CEACAM21: variants seen among roughly 807,000 people sequenced by gnomAD.
CEACAM21 encodes the protein CEA cell adhesion molecule 21, also known as cell adhesion molecule CEACAM21.
CEACAM21 carries 38 observed loss-of-function variants against 33.2 expected under a neutral mutation model. That is an observed-to-expected ratio of 1.14 (90% CI 0.88 to 1.50). The LOEUF is 1.50. CEACAM21 is among the 40% of genes most tolerant of loss of function. The pLI, the probability that CEACAM21 is intolerant of heterozygous loss-of-function variation, is 0.00. For missense variants in CEACAM21, 385 were observed against 364.6 expected (o/e 1.06, Z -0.46); for synonymous variants, 156 against 143.0 (o/e 1.09, Z -0.65).
In CEACAM21 at chr19:41,577,210, A is replaced by G. The variant is rs1555791387; in HGVS notation, c.75A>G (p.Leu25=). ...CTCTCCCTTTCCTAGCCTCACTTTT[A>G]ACTTTCTGGAACGCACCCACCACTG... ...WQGLLLTASL[L]TFWNAPTTAW... Residue 25 remains leucine (L), a synonymous_variant, in exon 2 of 7, where the codon TTA becomes TTG. Transcript: ENST00000401445. 2 of 1,613,958 alleles carry G rather than the reference A, an allele frequency of 1.2e-6. No homozygotes were observed. The highest frequency in any genetic ancestry group is 2.2e-5 in the East Asian group (1 of 44,880).
At chr19:41,577,596 C>T in intron 2 of CEACAM21, 37 bp downstream of exon 2, 1 of 1,608,270 alleles carries the variant, frequency 6.2e-7, no homozygotes, top group East Asian at 2.2e-5. Flanking sequence ...TGTTGGGGGT[C>T]AGTTCTGCTT....
chr19:41,586,591 A>G lies in CEACAM21; in HGVS notation c.*128A>G. On this transcript the variant is annotated 3_prime_UTR_variant, in exon 7 of 7. Coordinates refer to ENST00000401445, the MANE Select transcript of CEACAM21 (RefSeq NM_001098506.4). ...GTCCCTGAAGCCCCCAGCCCTGGGG[A>G]TGGGGAAGGACATGGAGCCTGAGCC... is the stretch of plus-strand genomic sequence containing the variant. 1.7e-6 allele frequency: 1 copy of G among 593,836 alleles called. No homozygotes were observed. Among genetic ancestry groups the G allele is most frequent in the Non-Finnish European group, 3.3e-6 (1 of 303,686 alleles). 36.8% of individuals were successfully genotyped at this position (593,836 alleles called of 1,614,324 possible). A position where few individuals can be genotyped will look rare whatever the true frequency, so the allele number is the denominator to read the frequency against.
At chr19:41,571,860 A>G (rs2042633980), upstream of CEACAM21, among the ~76,000 whole-genome samples, 2 of 152,020 alleles carry the variant, frequency 1.3e-5, no homozygotes, top group Non-Finnish European at 1.5e-5. Context: ...CATCCTCACC[A>G]GTCACCTCTC....
intron 1 of CEACAM21, among the ~76,000 whole-genome samples, chr19:41,559,499 C>T (rs1236607377): frequency 6.6e-6 from 1 of 151,776 alleles, no homozygotes; most frequent in African/African-American, 2.4e-5. Flanking sequence ...AGCTACTTAC[C>T]CATTTTTATA....
Position 41,577,340 on chromosome 19 carries a change from A to G in CEACAM21, c.205A>G (p.Lys69Glu), listed in dbSNP as rs781911443. 24 of 1,614,092 alleles carry G rather than the reference A, an allele frequency of 1.5e-5. No individual in the cohort carries two copies. Among genetic ancestry groups the G allele is most frequent in the Admixed American group, 3.3e-5 (2 of 60,026 alleles). ...PENLYSYGWY[K>E]GKTVEPNQLI... ...GAATCTTTACAGCTATGGCTGGTACAAAGGGAAAACGGTGGAGCCCAACCA... is the reference window on the plus strand; with the variant it reads ...GAATCTTTACAGCTATGGCTGGTACGAAGGGAAAACGGTGGAGCCCAACCA... The change falls in exon 2 of 7, where the codon AAA becomes GAA. Residue 69 changes from lysine to glutamate, a missense_variant. By Grantham distance (56) the Lys-to-Glu change is moderately conservative (BLOSUM62 1). Transcript: ENST00000401445.
chr19:41,583,333 A>G (rs142058046), intron 3 of CEACAM21, among the ~76,000 whole-genome samples: 8 of 152,266 alleles, frequency 5.3e-5, no homozygotes, highest in African/African-American at 1.4e-4. Flanking sequence ...CCATTCAACA[A>G]GTCTCTAGGA....
chr19:41,565,266 G>A (rs1249789315), intron 2 of CEACAM21, among the ~76,000 whole-genome samples: 1 of 152,146 alleles, frequency 6.6e-6, no homozygotes, highest in Non-Finnish European at 1.5e-5. Flanking sequence ...ACTCCAGGAG[G>A]CACAGTGGGG....
At chr19:41,569,127 T>G (rs1478196639) in intron 2 of CEACAM21, among the ~76,000 whole-genome samples, 4 of 152,244 alleles carry the variant, frequency 2.6e-5, no homozygotes, top group African/African-American at 9.6e-5. Context: ...AATTCATTAT[T>G]GGCTATTACT....
At position 41,585,448 on chromosome 19, in the gene CEACAM21, G is replaced by A; in HGVS notation, c.803G>A (p.Ser268Asn). The change falls in exon 5 of 7, where the codon AGC becomes AAC. Residue 268 changes from serine to asparagine, a missense_variant. Physicochemically the swap from Ser to Asn is conservative, Grantham distance 46 (BLOSUM62 1). Coordinates refer to ENST00000401445, the MANE Select transcript of CEACAM21 (RefSeq NM_001098506.4). ...ATAACCCTGACCTTTCCTAGGGCCAGCGATCAGAGTGACTTCAGGGAGCAG... is the reference window on the plus strand; with the variant it reads ...ATAACCCTGACCTTTCCTAGGGCCAACGATCAGAGTGACTTCAGGGAGCAG... ...FLLLRKTGRA[S>N]DQSDFREQQP... 1 of 1,613,822 alleles carries A rather than the reference G, an allele frequency of 6.2e-7. No homozygotes were observed. Among genetic ancestry groups the A allele is most frequent in the South Asian group, 1.1e-5 (1 of 91,082 alleles).
intron 1 of CEACAM21, among the ~76,000 whole-genome samples, chr19:41,560,829 T>C (rs1374278958): frequency 6.6e-6 from 1 of 152,190 alleles, no homozygotes; most frequent in Admixed American, 6.5e-5. Context: ...GTGAATTACC[T>C]CAATCTAAAA....
chr19:41,583,444 C>T (rs1555794091), intron 3 of CEACAM21, among the ~76,000 whole-genome samples: 3 of 152,198 alleles, frequency 2.0e-5, no homozygotes, highest in Non-Finnish European at 4.4e-5. Context: ...TTTCAGGTAT[C>T]TTTATAGCAG....
chr19:41,574,156 G>A (rs909933494), upstream of CEACAM21, among the ~76,000 whole-genome samples: 1 of 152,174 alleles, frequency 6.6e-6, no homozygotes, highest in Non-Finnish European at 1.5e-5. Flanking sequence ...GCGAGATAGT[G>A]TAGTTAGACC....
At chr19:41,569,852 G>A (rs571432805) in intron 2 of CEACAM21, among the ~76,000 whole-genome samples, 100 of 152,276 alleles carry the variant, frequency 6.6e-4, no homozygotes, top group African/African-American at 2.3e-3. Flanking sequence ...TTCCATCAGT[G>A]CAAGCTCTCA....
intron 2 of CEACAM21, among the ~76,000 whole-genome samples, chr19:41,570,875 A>G (rs1362304997): frequency 6.6e-6 from 1 of 152,116 alleles, no homozygotes; most frequent in Non-Finnish European, 1.5e-5. Context: ...GCCTTGGACT[A>G]AGGGGTGAGT....
chr19:41,573,455 C>A (rs1230164321), upstream of CEACAM21, among the ~76,000 whole-genome samples: 1 of 152,204 alleles, frequency 6.6e-6, no homozygotes, highest in Non-Finnish European at 1.5e-5. Context: ...CTGCTCCTCC[C>A]AACCAGGGTC....
At chr19:41,585,579 C>A in intron 5 of CEACAM21, 84 bp downstream of exon 5, 1 of 1,412,974 alleles carries the variant, frequency 7.1e-7, no homozygotes, top group Non-Finnish European at 1.0e-6. Flanking sequence ...CACCCAGGGG[C>A]CTCTGACCCT....
Position 41,584,460 on chromosome 19 carries a change from C to T in CEACAM21, c.797+17C>T. 8 of 1,588,938 alleles carry T rather than the reference C, an allele frequency of 5.0e-6. No individual in the cohort carries two copies. Among genetic ancestry groups the T allele is most frequent in the Non-Finnish European group, 6.9e-6 (8 of 1,165,576 alleles). On this transcript the variant is annotated intron_variant, in intron 4 of 6. Transcript: ENST00000401445. ...AACTGGCAGGTACCACAGCTTTTCC[C>T]CATTCTGCTCCCATCCTTCACGCTG...
chr19:41,586,353 T>C (rs2070735297), intron 6 of CEACAM21, 111 bp from the exon 7 acceptor site: 1 of 606,810 alleles, frequency 1.6e-6, no homozygotes, highest in Admixed American at 1.9e-5. Flanking sequence ...AGGAACCCCC[T>C]GAGCACAGCC....
At chr19:41,550,220 C>T (rs1395351225) in intron 1 of CEACAM21, 1 of 152,200 alleles carries the variant, frequency 6.6e-6, no homozygotes, top group Non-Finnish European at 1.5e-5. Context: ...TCTATACACC[C>T]AGTAAAATAT....
Sources: allele counts gnomAD v4.1 joint callset (sites outside exome capture counted in the v4.1 genomes callset), GRCh38; gene constraint gnomAD v4.1.1; transcripts MANE v1.5; gene names NCBI Gene and HGNC (gene_info 2026-07-23, HGNC 2026-07-21).